CARS2: variants seen among roughly 807,000 people sequenced by gnomAD.
CARS2 encodes probable cysteine--tRNA ligase, mitochondrial.
A neutral mutation model predicts 68.8 loss-of-function variants in CARS2; 52 were observed. That is an observed-to-expected ratio of 0.76 (90% CI 0.61 to 0.95). The LOEUF (loss-of-function observed/expected upper bound fraction) is 0.95, where lower values mean the gene tolerates loss of function less well. Among genes scored for constraint, CARS2 ranks in the 40% least tolerant of loss-of-function variants. The pLI is 0.00. For missense variants in CARS2, 780 were observed against 754.2 expected (o/e 1.03, Z -0.40); for synonymous variants, 314 against 303.6 (o/e 1.03, Z -0.36).
chr13:110,643,681 T>TAGATC, intron 13 of CARS2: 1 of 159,454 alleles, frequency 6.3e-6, no homozygotes, highest in Non-Finnish European at 1.4e-5. Flanking sequence ...GACAGGGATG[T>TAGATC]TCAGGGACAC....
intron 2 of CARS2, among the ~76,000 whole-genome samples, chr13:110,702,370 T>C (rs2063812022): frequency 6.6e-6 from 1 of 152,184 alleles, no homozygotes; most frequent in South Asian, 2.1e-4. Context: ...ATTAACCTCT[T>C]ACAGCTCAGT....
chr13:110,682,472 A>G (rs1465127243), intron 6 of CARS2, among the ~76,000 whole-genome samples: 3 of 152,180 alleles, frequency 2.0e-5, no homozygotes, highest in Admixed American at 2.0e-4. Context: ...AGTGCCTAAA[A>G]CCAGAAATAC....
exon 1 of CARS2, chr13:110,713,139 T>A: frequency 7.0e-7 from 1 of 1,430,100 alleles, no homozygotes; most frequent in Non-Finnish European, 9.1e-7. Context: ...TTACTCACGG[T>A]CTCCCCGCCT....
intron 10 of CARS2, chr13:110,648,199 G>A (rs1208230803): frequency 6.6e-6 from 1 of 152,052 alleles, no homozygotes; most frequent in Non-Finnish European, 1.5e-5. Context: ...TTTTTGCTTT[G>A]AATAGCTTGA....
intron 5 of CARS2, among the ~76,000 whole-genome samples, chr13:110,684,591 T>C (rs1001185747): frequency 7.3e-5 from 11 of 149,788 alleles, no homozygotes; most frequent in East Asian, 2.1e-4. Flanking sequence ...CCAGTGACCA[T>C]TGTGCTCAGA....
At chr13:110,706,788 TAC>T (rs1268214849), upstream of CARS2, among the ~76,000 whole-genome samples, 4 of 137,796 alleles carry the variant, frequency 2.9e-5, no homozygotes, top group African/African-American at 1.1e-4. Flanking sequence ...AGCATCCCAA[TAC>T]AGTGTGCACC....
At chr13:110,699,286 T>G (rs912494493) in intron 3 of CARS2, among the ~76,000 whole-genome samples, 1 of 152,186 alleles carries the variant, frequency 6.6e-6, no homozygotes, top group South Asian at 2.1e-4. Flanking sequence ...AGGGTCAAAC[T>G]GCCAAACAGC....
rs1367589474 is a variant in CARS2, at chr13:110,653,221, G to T, written c.988-2121C>A. Among the ~76,000 whole-genome samples the T allele has an allele frequency of 2.0e-5, 3 of 151,388 alleles. No homozygotes were observed. Among genetic ancestry groups the T allele is most frequent in the Non-Finnish European group, 4.4e-5 (3 of 67,936 alleles). ...GGTATGTGTGTGTGTGTGTTTGTGTGTGTGTGTGTGAAGAGCCCCTGTCCA... is the reference window on the plus strand; with the variant it reads ...GGTATGTGTGTGTGTGTGTTTGTGTTTGTGTGTGTGAAGAGCCCCTGTCCA... On this transcript the variant is annotated intron_variant, in intron 9 of 14. Coordinates refer to ENST00000257347, the MANE Select transcript of CARS2 (RefSeq NM_024537.4). This position sits in a 1 kb window ranked among gnomAD's most constrained non-coding sequence, Gnocchi z 5.6.
intron 10 of CARS2, among the ~76,000 whole-genome samples, chr13:110,647,767 C>CCA (rs367802988): frequency 6.6e-6 from 1 of 152,222 alleles, no homozygotes; most frequent in Non-Finnish European, 1.5e-5. Context: ...GATGAGGGGC[C>CCA]AGTGTTTCTG....
intron 11 of CARS2, 54 bp from the exon 12 acceptor site, chr13:110,646,144 C>A: frequency 6.4e-7 from 1 of 1,569,784 alleles, no homozygotes; most frequent in South Asian, 1.2e-5. Context: ...TCTCCCCAGG[C>A]GGCCCCCACA....
intron 1 of CARS2, chr13:110,712,578 G>T (rs888641964): frequency 3.0e-6 from 1 of 332,338 alleles, no homozygotes; most frequent in Non-Finnish European, 5.8e-6. Flanking sequence ...ACGGGCTCGC[G>T]TGGCGTCCAG....
chr13:110,651,733 C>T (rs559903093), intron 9 of CARS2, among the ~76,000 whole-genome samples: 10 of 152,316 alleles, frequency 6.6e-5, no homozygotes, highest in East Asian at 3.9e-4. Flanking sequence ...AATTAGAAAA[C>T]GTCTGTCCAG....
intron 11 of CARS2, chr13:110,646,676 G>C (rs1277027457): frequency 5.7e-6 from 1 of 174,130 alleles, no homozygotes; most frequent in Non-Finnish European, 1.2e-5. Context: ...AGGACTGGGA[G>C]GGATGAGCAG....
chr13:110,671,798 G>A (rs960009817), intron 7 of CARS2, among the ~76,000 whole-genome samples: 2 of 152,178 alleles, frequency 1.3e-5, no homozygotes, highest in African/African-American at 4.8e-5. Flanking sequence ...AGACCCATCA[G>A]TGTGCTGTAT....
At chr13:110,709,521 A>T (rs1485965381), upstream of CARS2, among the ~76,000 whole-genome samples, 1 of 152,108 alleles carries the variant, frequency 6.6e-6, no homozygotes, top group African/African-American at 2.4e-5. Flanking sequence ...TATTAAGGTA[A>T]AGTAAAATAG....
intron 3 of CARS2, among the ~76,000 whole-genome samples, chr13:110,691,057 C>T (rs144199890): frequency 1.4e-4 from 21 of 152,184 alleles, no homozygotes; most frequent in Non-Finnish European, 2.6e-4. Context: ...TTCTTGTTGT[C>T]CACGCTGGAG....
intron 5 of CARS2, 137 bp downstream of exon 5, chr13:110,687,584 C>A: frequency 3.4e-6 from 2 of 591,032 alleles, no homozygotes; most frequent in Non-Finnish European, 6.0e-6. Flanking sequence ...GAGGCTGAGA[C>A]GGGAGAATCG....
intron 3 of CARS2, among the ~76,000 whole-genome samples, chr13:110,696,232 C>T (rs1293429243): frequency 1.3e-5 from 2 of 152,102 alleles, no homozygotes; most frequent in Non-Finnish European, 2.9e-5. Flanking sequence ...AATAAACATA[C>T]GTGTGTATGT....
chr13:110,697,771 A>G (rs2063665990), intron 3 of CARS2: 1 of 339,624 alleles, frequency 2.9e-6, no homozygotes, highest in African/African-American at 2.2e-5. Flanking sequence ...ACAAAAGCAT[A>G]TATGTTCATA....
Sources: allele counts gnomAD v4.1 joint callset (sites outside exome capture counted in the v4.1 genomes callset), GRCh38; gene constraint gnomAD v4.1.1; non-coding constraint Gnocchi (gnomAD v3.1); transcripts MANE v1.5; gene names NCBI Gene and HGNC (gene_info 2026-07-23, HGNC 2026-07-21).